The following CLMN variants were observed in gnomAD, a reference collection of about 807,000 sequenced individuals.
CLMN encodes calmin, also known as calmin (calponin-like, transmembrane).
A neutral mutation model predicts 92.7 loss-of-function variants in CLMN; 57 were observed. That is an observed-to-expected ratio of 0.61 (90% CI 0.50 to 0.77). The LOEUF is 0.77. Among genes scored for constraint, CLMN ranks in the 30% least tolerant of loss-of-function variants. CLMN has a pLI of 0.00. For missense variants in CLMN, 1,158 were observed against 1,237.5 expected (o/e 0.94, Z 0.96); for synonymous variants, 466 against 470.6 (o/e 0.99, Z 0.13).
intron 1 of CLMN, among the ~76,000 whole-genome samples, chr14:95,299,822 T>C (rs1476830888): frequency 6.6e-6 from 1 of 152,220 alleles, no homozygotes; most frequent in African/African-American, 2.4e-5. Context: ...CTCCTCATTT[T>C]CATTCTCGCC....
chr14:95,228,488 G>A (rs1456096258), intron 2 of CLMN, among the ~76,000 whole-genome samples: 1 of 152,206 alleles, frequency 6.6e-6, no homozygotes, highest in Non-Finnish European at 1.5e-5. Context: ...GGAGGTGTGG[G>A]TGGCCGAATG....
chr14:95,249,601 T>G (rs567354304), intron 1 of CLMN, among the ~76,000 whole-genome samples: 4 of 151,134 alleles, frequency 2.6e-5, no homozygotes, highest in Middle Eastern at 6.8e-3. Flanking sequence ...TTCTTTTTCT[T>G]TTTTTTTTGA....
intron 3 of CLMN, among the ~76,000 whole-genome samples, 159 bp from the exon 4 acceptor site, chr14:95,221,933 C>T (rs927949127): frequency 6.6e-6 from 1 of 152,208 alleles, no homozygotes; most frequent in Non-Finnish European, 1.5e-5. Flanking sequence ...TCCAAACCCA[C>T]ACAGGTGCCT....
chr14:95,260,510 C>T (rs1454704293), intron 1 of CLMN: 1 of 151,860 alleles, frequency 6.6e-6, no homozygotes, highest in Non-Finnish European at 1.5e-5. Context: ...GAATCAAGCA[C>T]TTACAATATT....
chr14:95,301,604 C>A (rs10138413), intron 1 of CLMN, among the ~76,000 whole-genome samples: 2,232 of 152,312 alleles, frequency 0.015, 60 homozygotes, highest in African/African-American at 0.05. Flanking sequence ...CCCCCTACTC[C>A]CTCATCCCCA....
intron 2 of CLMN, among the ~76,000 whole-genome samples, chr14:95,228,435 G>C (rs1330764421): frequency 6.6e-6 from 1 of 152,220 alleles, no homozygotes; most frequent in African/African-American, 2.4e-5. Flanking sequence ...ATGCTCCTGG[G>C]TGAAGTGGTG....
chr14:95,231,329 T>A (rs904358493), intron 1 of CLMN, among the ~76,000 whole-genome samples: 1 of 151,912 alleles, frequency 6.6e-6, no homozygotes, highest in Non-Finnish European at 1.5e-5. Context: ...CCAGAGTAGC[T>A]GGGACTACAG....
intron 4 of CLMN, among the ~76,000 whole-genome samples, chr14:95,217,172 C>CA (rs1897377168): frequency 6.6e-6 from 1 of 152,198 alleles, no homozygotes; most frequent in Non-Finnish European, 1.5e-5. Flanking sequence ...AAGAGAAAGT[C>CA]AAGATACACT....
intron 1 of CLMN, among the ~76,000 whole-genome samples, chr14:95,239,673 G>T (rs150190100): frequency 8.5e-4 from 130 of 152,328 alleles, no homozygotes; most frequent in African/African-American, 2.9e-3. Flanking sequence ...TACACAGTCT[G>T]CCCCCTTGCA....
chr14:95,316,300 C>T (rs957221648), intron 1 of CLMN, among the ~76,000 whole-genome samples: 9 of 152,284 alleles, frequency 5.9e-5, no homozygotes, highest in Non-Finnish European at 1.3e-4. Flanking sequence ...GCTTGGACCA[C>T]CCCTGTTTCC....
At position 95,239,082 on chromosome 14, in the gene CLMN, T is replaced by TA. The variant is rs1330807584; in HGVS notation, c.83-8950dup. 5.2e-5 allele frequency among the ~76,000 whole-genome samples: 6 copies of TA among 115,680 alleles called. No individual in the cohort carries two copies. The East Asian group carries it at 1.3e-3, about 24-fold the overall frequency. The allele number at this position is 115,680 out of a possible 152,430, so 75.9% of individuals were successfully genotyped here. On this transcript the variant is annotated intron_variant, in intron 1 of 12. Coordinates refer to ENST00000298912, the MANE Select transcript of CLMN (RefSeq NM_024734.4). ...ATGACAGGTGACGCCAGCCAGCCAT[T>TA]AAAAACACAAGCTTAGAAAGGGATT...
At chr14:95,319,545 G>A (rs1595132701) in intron 1 of CLMN, among the ~76,000 whole-genome samples, 166 bp downstream of exon 1, 1 of 152,210 alleles carries the variant, frequency 6.6e-6, no homozygotes, top group African/African-American at 2.4e-5. Context: ...GCCGCCCTGG[G>A]GCTTGGGGGC....
chr14:95,191,469 TG>T lies in CLMN; in HGVS notation c.*94del. ...CTAAGTTTCCTCGGAGGTCCTCAACTGTCTGTAGAAGTGCCCCACCCAGAAC... is the reference window on the plus strand; with the variant it reads ...CTAAGTTTCCTCGGAGGTCCTCAACTTCTGTAGAAGTGCCCCACCCAGAAC... On this transcript the variant is annotated 3_prime_UTR_variant, in exon 13 of 13. Transcript: ENST00000298912. The surrounding 1 kb of genome is among the most constrained non-coding windows in gnomAD (Gnocchi z 5.3). 1.1e-6 allele frequency: 1 copy of T among 945,254 alleles called. No individual in the cohort carries two copies. Among genetic ancestry groups the T allele is most frequent in the Non-Finnish European group, 1.5e-6 (1 of 677,190 alleles). The allele number at this position is 945,254 out of a possible 1,614,324, so 58.6% of individuals were successfully genotyped here. A position where few individuals can be genotyped will look rare whatever the true frequency, so the allele number is the denominator to read the frequency against.
At chr14:95,276,485 G>C (rs1047028760) in intron 1 of CLMN, among the ~76,000 whole-genome samples, 3 of 152,162 alleles carry the variant, frequency 2.0e-5, no homozygotes, top group Admixed American at 6.5e-5. Context: ...GGGATTGCTG[G>C]AAAAGATCCT....
At chr14:95,241,252 G>A (rs145896179) in intron 1 of CLMN, among the ~76,000 whole-genome samples, 84 of 152,110 alleles carry the variant, frequency 5.5e-4, no homozygotes, top group African/African-American at 1.8e-3. Flanking sequence ...CCAACTGTCC[G>A]GATTTGCCTG....
At chr14:95,281,588 T>C (rs941979816) in intron 1 of CLMN, among the ~76,000 whole-genome samples, 3 of 152,174 alleles carry the variant, frequency 2.0e-5, no homozygotes, top group Admixed American at 2.0e-4. Flanking sequence ...GAAACAGGGA[T>C]AGGTAATGTA....
chr14:95,286,323 T>C (rs923022599), intron 1 of CLMN, among the ~76,000 whole-genome samples: 5 of 152,338 alleles, frequency 3.3e-5, no homozygotes, highest in Middle Eastern at 6.8e-3. Context: ...GAATAAAGCA[T>C]TGATGCATGC....
intron 8 of CLMN, among the ~76,000 whole-genome samples, chr14:95,206,529 A>G (rs1257945745): frequency 2.0e-5 from 3 of 152,360 alleles, no homozygotes; most frequent in South Asian, 4.1e-4. Flanking sequence ...GCTAGCAACA[A>G]TGTGTGGTAC....
rs1295765680 is a variant in CLMN, at chr14:95,183,643, G to C, written c.*7921C>G. ...CGTGTTAGAGGTGCAGAGATGAGCA[G>C]CTGGGGGCAGGATGTATAGTTAATT... On this transcript the variant is annotated 3_prime_UTR_variant, in exon 13 of 13. Transcript: ENST00000298912. 1 of 152,214 alleles carries C rather than the reference G, an allele frequency of 6.6e-6. No individual in the cohort carries two copies. 9.4% of individuals were successfully genotyped at this position (152,214 alleles called of 1,614,324 possible).
Sources: allele counts gnomAD v4.1 joint callset (sites outside exome capture counted in the v4.1 genomes callset), GRCh38; gene constraint gnomAD v4.1.1; non-coding constraint Gnocchi (gnomAD v3.1); transcripts MANE v1.5; gene names NCBI Gene and HGNC (gene_info 2026-07-23, HGNC 2026-07-21).